FYTTD1: variants seen among roughly 807,000 people sequenced by gnomAD.
The protein encoded by FYTTD1 is UAP56-interacting factor.
FYTTD1 carries 22 observed loss-of-function variants against 40.9 expected under a neutral mutation model. That is an observed-to-expected ratio of 0.54 (90% CI 0.38 to 0.77). The LOEUF is 0.77. Ranked by LOEUF, FYTTD1 falls within the 30% of genes least tolerant of loss-of-function variation. The pLI is 0.00. For missense variants in FYTTD1, 351 were observed against 392.2 expected (o/e 0.90, Z 0.89); for synonymous variants, 140 against 137.9 (o/e 1.01, Z -0.10).
Position 197,773,441 on chromosome 3 carries a change from A to T in FYTTD1, c.536A>T (p.Lys179Ile). Reference sequence around the variant, plus strand: ...GCTAATTTTACCAGGAGTGGAAATAAATTAAATCATCAGAAAGATACTCGT... The same window carrying T: ...GCTAATTTTACCAGGAGTGGAAATATATTAAATCATCAGAAAGATACTCGT... ...IPANFTRSGN[K>I]LNHQKDTRQA... Residue 179 changes from lysine (K) to isoleucine (I), a missense_variant, in exon 5 of 9, where the codon AAA becomes ATA. Transcript: ENST00000241502. 1 of 1,604,332 alleles carries T rather than the reference A, an allele frequency of 6.2e-7. No homozygotes were observed. Among genetic ancestry groups the T allele is most frequent in the Non-Finnish European group, 8.5e-7 (1 of 1,173,562 alleles).
At position 197,774,184 on chromosome 3, in the gene FYTTD1, C is replaced by G; in HGVS notation, c.630C>G (p.Asp210Glu). The G allele has an allele frequency of 6.2e-7, 1 of 1,613,900 alleles. No individual in the cohort carries two copies. Among genetic ancestry groups the G allele is most frequent in the Non-Finnish European group, 8.5e-7 (1 of 1,179,828 alleles). Residue 210 changes from aspartate (D) to glutamate (E), a missense_variant, in exon 6 of 9, where the codon GAC becomes GAG. Transcript: ENST00000241502. ...QAQLNTEQLL[D>E]DVVAKRTRQW... is the part of the protein sequence containing the mutation. ...AGTTGAATACAGAACAACTGCTAGA[C>G]GATGTAGTAGCAAAGAGAACTCGTC...
In FYTTD1 at chr3:197,777,009, G is replaced by A. The variant is rs773484547; in HGVS notation, c.731+8G>A. 4.4e-6 allele frequency: 7 copies of A among 1,584,060 alleles called. No individual in the cohort carries two copies. The highest frequency in any genetic ancestry group is 6.0e-6 in the Non-Finnish European group (7 of 1,158,244). ...AGCAGTGCAATGCCCAGTGTAAGTT[G>A]TTTCTTTCTTTTTGCAAAAATTATA... On this transcript the variant is annotated splice_region_variant and intron_variant, in intron 7 of 8. Coordinates refer to ENST00000241502, the MANE Select transcript of FYTTD1 (RefSeq NM_032288.7).
rs543189542 is a variant in FYTTD1 at position 197,785,283 on chromosome 3, C to T, written c.*3374C>T. ...TTCCAGGACCCTTGTATATACCCAA[C>T]CCTGCGCAATACTGAAGTCCCACAT... On this transcript the variant is annotated 3_prime_UTR_variant, in exon 9 of 9. Transcript: ENST00000241502. The T allele has an allele frequency of 6.6e-6, 1 of 152,206 alleles. No individual in the cohort carries two copies. Among genetic ancestry groups the T allele is most frequent in the Admixed American group, 6.5e-5 (1 of 15,282 alleles). The allele number at this position is 152,206 out of a possible 1,614,324, so 9.4% of individuals were successfully genotyped here. A position where few individuals can be genotyped will look rare whatever the true frequency, so the allele number is the denominator to read the frequency against.
intron 1 of FYTTD1, among the ~76,000 whole-genome samples, chr3:197,751,215 T>A (rs1729028400): frequency 6.6e-6 from 1 of 152,194 alleles, no homozygotes; most frequent in African/African-American, 2.4e-5. Context: ...TGGTTCCAGG[T>A]GAGATGGGAA....
intron 1 of FYTTD1, among the ~76,000 whole-genome samples, chr3:197,755,354 GC>G (rs1169755331): frequency 6.6e-6 from 1 of 152,114 alleles, no homozygotes; most frequent in Non-Finnish European, 1.5e-5. Flanking sequence ...TGTAGTATAT[GC>G]TCAGTAAATA....
intron 7 of FYTTD1, 116 bp downstream of exon 7, chr3:197,777,117 A>C (rs991628818): frequency 4.6e-6 from 3 of 657,418 alleles, no homozygotes; most frequent in Non-Finnish European, 8.1e-6. Flanking sequence ...CCAGGAAGAC[A>C]GTAATACCTG....
At position 197,750,071 on chromosome 3, in the gene FYTTD1, T is replaced by C. The variant is rs781536770; in HGVS notation, c.100T>C (p.Leu34=). ...NENLDKIDMS[L]DDIIKLNRKE... ...AAACCTCGACAAAATAGATATGTCT[T>C]TGGGTGAGGGGCCGAGTTGGACCGA... The change falls in exon 1 of 9, where the codon TTG becomes CTG. Residue 34 remains leucine (L), a synonymous_variant. Transcript: ENST00000241502. 2.6e-6 allele frequency: 4 copies of C among 1,568,494 alleles called. No homozygotes were observed. In the African/African-American group the frequency reaches 4.2e-5, roughly 17 times the overall value.
At chr3:197,763,818 C>T (rs899899874) in intron 2 of FYTTD1, among the ~76,000 whole-genome samples, 1 of 152,168 alleles carries the variant, frequency 6.6e-6, no homozygotes, top group Admixed American at 6.5e-5. Context: ...ATTATTGGGA[C>T]ATATGATGTA....
At position 197,750,377 on chromosome 3, in the gene FYTTD1, C is replaced by T. The variant is rs895831905; in HGVS notation, c.103+303C>T. On this transcript the variant is annotated intron_variant, in intron 1 of 8. Coordinates refer to ENST00000241502, the MANE Select transcript of FYTTD1 (RefSeq NM_032288.7). ...CAGGGTCGCGGGGGGCGTCTCTTCT[C>T]CCCGGAGGGGCTACGGCTCGCCGCT... is the stretch of plus-strand genomic sequence containing the variant. 7.3e-6 allele frequency: 8 copies of T among 1,103,316 alleles called. No individual in the cohort carries two copies. The Admixed American group carries it at 2.1e-4, about 28-fold the overall frequency. 68.3% of individuals were successfully genotyped at this position (1,103,316 alleles called of 1,614,324 possible).
intron 8 of FYTTD1, among the ~76,000 whole-genome samples, chr3:197,781,255 A>G (rs1730020350): frequency 6.6e-6 from 1 of 152,042 alleles, no homozygotes; most frequent in African/African-American, 2.4e-5. Flanking sequence ...CGGAAGTTGC[A>G]ATGAGCTGAG....
At chr3:197,765,871 C>T (rs1008372550) in intron 2 of FYTTD1, among the ~76,000 whole-genome samples, 18 of 152,066 alleles carry the variant, frequency 1.2e-4, no homozygotes, top group Non-Finnish European at 8.8e-5. Flanking sequence ...TATTGGGCAC[C>T]TGTAGTACCA....
intron 7 of FYTTD1, among the ~76,000 whole-genome samples, 196 bp downstream of exon 7, chr3:197,777,197 C>A (rs1466345519): frequency 1.3e-5 from 2 of 152,108 alleles, no homozygotes; most frequent in East Asian, 3.8e-4. Context: ...ATTCTGCAGC[C>A]CTAAATGACC....
chr3:197,765,385 T>G (rs995667474), intron 2 of FYTTD1, among the ~76,000 whole-genome samples: 2 of 152,202 alleles, frequency 1.3e-5, no homozygotes, highest in Admixed American at 6.5e-5. Flanking sequence ...ATACAAATTA[T>G]AGTACTCAGC....
In FYTTD1 at chr3:197,783,457, AAC is replaced by A. The variant is rs2109058536; in HGVS notation, c.*1550_*1551del. The A allele has an allele frequency of 6.5e-6, 1 of 152,720 alleles. No individual in the cohort carries two copies. The highest frequency in any genetic ancestry group is 2.4e-5 in the African/African-American group (1 of 41,556). The allele number at this position is 152,720 out of a possible 1,614,324, so 9.5% of individuals were successfully genotyped here. ...ATGCTCGCCATGGAAAGCTATCAGT[AAC>A]AGTTTCATGCTTATACCAAAGAATT... On this transcript the variant is annotated 3_prime_UTR_variant, in exon 9 of 9. Transcript: ENST00000241502.
chr3:197,779,395 CA>C (rs1729959750), intron 8 of FYTTD1, among the ~76,000 whole-genome samples: 1 of 150,790 alleles, frequency 6.6e-6, no homozygotes, highest in Admixed American at 6.6e-5. Context: ...GCCTGGGCAA[CA>C]GAGCAATACT....
chr3:197,751,400 A>AAGGCGG (rs939602569), intron 1 of FYTTD1, among the ~76,000 whole-genome samples: 1 of 152,210 alleles, frequency 6.6e-6, no homozygotes, highest in African/African-American at 2.4e-5. Context: ...CAGCCCTTTG[A>AAGGCGG]AGGCGGAGGC....
intron 6 of FYTTD1, 74 bp downstream of exon 6, chr3:197,774,284 C>T: frequency 1.6e-6 from 2 of 1,220,640 alleles, no homozygotes; most frequent in Non-Finnish European, 1.2e-6. Flanking sequence ...TATCATGTAC[C>T]TCAGTCCAGA....
rs748005833 is a variant in FYTTD1, at chr3:197,750,009, C to T, written c.38C>T (p.Ala13Val). ...GGTACCCGGTTGGTGGGAGCCACGG[C>T]GACTTCTTCGCCGCCGCCGAAGGCC... ...RFGTRLVGAT[A>V]TSSPPPKARS... Residue 13 changes from alanine (A) to valine (V), a missense_variant, in exon 1 of 9, where the codon GCG becomes GTG. Coordinates refer to ENST00000241502, the MANE Select transcript of FYTTD1 (RefSeq NM_032288.7). 7 of 1,584,878 alleles carry T rather than the reference C, an allele frequency of 4.4e-6. No individual in the cohort carries two copies. In the South Asian group the frequency reaches 6.8e-5, roughly 15 times the overall value.
chr3:197,762,719 A>G (rs1729424933), intron 2 of FYTTD1, among the ~76,000 whole-genome samples: 1 of 151,446 alleles, frequency 6.6e-6, no homozygotes, highest in South Asian at 2.1e-4. Flanking sequence ...TGTCTCTACT[A>G]AAAATACAAA....
Sources: allele counts gnomAD v4.1 joint callset (sites outside exome capture counted in the v4.1 genomes callset), GRCh38; gene constraint gnomAD v4.1.1; transcripts MANE v1.5; gene names NCBI Gene and HGNC (gene_info 2026-07-23, HGNC 2026-07-21).